Variants in EXPH5 observed in about 807,000 individuals in gnomAD.
EXPH5 encodes exophilin-5.
A neutral mutation model predicts 41.1 loss-of-function variants in EXPH5; 42 were observed. The observed-to-expected ratio is 1.02, with a 90% CI of 0.80 to 1.32. The LOEUF (loss-of-function observed/expected upper bound fraction) is 1.32, where lower values mean the gene tolerates loss of function less well. Ranked by LOEUF, EXPH5 falls within the 40% of genes most tolerant of loss-of-function variation. The probability of loss-of-function intolerance (pLI) is 0.00; values close to 1 mark genes in which losing one functional copy is unlikely to be tolerated. For synonymous variants in EXPH5, 798 were observed against 833.5 expected (o/e 0.96, Z 0.73); for missense variants, 2,298 against 2,314.5 (o/e 0.99, Z 0.15).
upstream of EXPH5, among the ~76,000 whole-genome samples, chr11:108,596,682 G>A (rs1480085895): frequency 1.3e-5 from 2 of 152,134 alleles, no homozygotes; most frequent in Non-Finnish European, 2.9e-5. Context: ...GAAGGATGAG[G>A]AGCAGAAGCT....
chr11:108,575,014 C>A (rs1156960339), intron 1 of EXPH5, among the ~76,000 whole-genome samples: 1 of 152,132 alleles, frequency 6.6e-6, no homozygotes, highest in Non-Finnish European at 1.5e-5. Context: ...AAAATGTACC[C>A]CCGATTTGTT....
intron 2 of EXPH5, among the ~76,000 whole-genome samples, chr11:108,540,387 C>A (rs2093906252): frequency 1.3e-5 from 2 of 151,912 alleles, no homozygotes; most frequent in African/African-American, 4.8e-5. Flanking sequence ...GACATGCTGA[C>A]TTTATAAATA....
chr11:108,525,532 C>T (rs2093793022), intron 4 of EXPH5, among the ~76,000 whole-genome samples: 1 of 152,212 alleles, frequency 6.6e-6, no homozygotes. Flanking sequence ...TCTATGTTTT[C>T]TGAAATTTCT....
At chr11:108,565,188 G>A (rs1220920025) in intron 1 of EXPH5, among the ~76,000 whole-genome samples, 1 of 152,140 alleles carries the variant, frequency 6.6e-6, no homozygotes, top group Admixed American at 6.6e-5. Context: ...TTACAAGCAT[G>A]AGCCACCATG....
chr11:108,536,153 C>T (rs1346882879), intron 3 of EXPH5, among the ~76,000 whole-genome samples: 2 of 151,946 alleles, frequency 1.3e-5, no homozygotes, highest in Non-Finnish European at 2.9e-5. Context: ...TTTCTTTTTT[C>T]CTGTGGTTGG....
At chr11:108,602,167 A>G in the EXPH5 span, among the ~76,000 whole-genome samples, 2 of 152,190 alleles carry the variant, frequency 1.3e-5, no homozygotes, top group African/African-American at 4.8e-5. Flanking sequence ...CCCTTGAAAC[A>G]CTACTGTATC....
At position 108,513,913 on chromosome 11, in the gene EXPH5, A is replaced by G. The variant is rs147167628; in HGVS notation, c.1594T>C (p.Ser532Pro). ...GHNVSSEHWE[S>P]FSSGYGTDVS... ...TCTGTTCCATAACCAGAAGAAAATG[A>G]TTCCCAGTGTTCAGAAGAAACATTA... The change falls in exon 6 of 6, where the codon TCA becomes CCA. Residue 532 changes from serine to proline, a missense_variant. Transcript: ENST00000265843. The G allele has an allele frequency of 1.1e-4, 179 of 1,610,096 alleles. No individual in the cohort carries two copies. The highest frequency in any genetic ancestry group is 1.5e-4 in the Non-Finnish European group (177 of 1,178,628).
chr11:108,511,982 T>C lies in EXPH5; in HGVS notation c.3525A>G (p.Leu1175=), dbSNP rs1226284604. 1 of 1,596,900 alleles carries C rather than the reference T, an allele frequency of 6.3e-7. No individual in the cohort carries two copies. Among genetic ancestry groups the C allele is most frequent in the Admixed American group, 1.8e-5 (1 of 55,710 alleles). Residue 1175 remains leucine (L), a synonymous_variant, in exon 6 of 6, where the codon TTA becomes TTG. Coordinates refer to ENST00000265843, the MANE Select transcript of EXPH5 (RefSeq NM_015065.3). ...TTTCCTTTTGGTGTTGTCTTTTGGT[T>C]AAAGAACAATCTCTAACAGATGAGT... ...ESDSSVRDCS[L]TKRQHQKENF...
rs1478783572 is a variant in EXPH5 at position 108,511,152 on chromosome 11, C to G, written c.4355G>C (p.Arg1452Thr). 8 of 1,613,440 alleles carry G rather than the reference C, an allele frequency of 5.0e-6. No homozygotes were observed. In the East Asian group the frequency reaches 1.3e-4, roughly 27 times the overall value. The change falls in exon 6 of 6, where the codon AGA (arginine) becomes ACA (threonine). Residue 1452 changes from arginine (R) to threonine (T), a missense_variant. Coordinates refer to ENST00000265843, the MANE Select transcript of EXPH5 (RefSeq NM_015065.3). The stretch of plus-strand genomic sequence containing the variant: ...GCCACTTCCAGTAAATGGAATGGCT[C>G]TACCACTCCCTGTACACTCCCAAGA... Reference protein sequence around the residue: ...RSSWECTGSGRAIPFTGSGKC... With the variant: ...RSSWECTGSGTAIPFTGSGKC...
chr11:108,528,122 A>G lies in EXPH5; in HGVS notation c.492+14T>C, dbSNP rs778419097. The G allele has an allele frequency of 7.6e-6, 12 of 1,569,642 alleles. No homozygotes were observed. The highest frequency in any genetic ancestry group is 9.6e-6 in the Non-Finnish European group (11 of 1,140,028). ...GAATTTCTTAGAGTAACCTGTAGTT[A>G]TCTGGTTACTTACCACAGCAGCTCC... On this transcript the variant is annotated intron_variant, in intron 4 of 5. Coordinates refer to ENST00000265843, the MANE Select transcript of EXPH5 (RefSeq NM_015065.3).
intron 3 of EXPH5, among the ~76,000 whole-genome samples, chr11:108,536,171 C>A (rs1164427934): frequency 6.6e-6 from 1 of 151,980 alleles, no homozygotes; most frequent in Admixed American, 6.6e-5. Context: ...TGGAATGGAG[C>A]CAATCATTTA....
rs1212075743 is a variant in EXPH5, at chr11:108,513,904, A to C, written c.1603T>G (p.Ser535Ala). ...CTGGAAACATCTGTTCCATAACCAG[A>C]AGAAAATGATTCCCAGTGTTCAGAA... The part of the protein sequence containing the change: ...VSSEHWESFS[S>A]GYGTDVSRGQ... Residue 535 changes from serine (S) to alanine (A), a missense_variant, in exon 6 of 6, where the codon TCT becomes GCT. Coordinates refer to ENST00000265843, the MANE Select transcript of EXPH5 (RefSeq NM_015065.3). The C allele has an allele frequency of 6.2e-7, 1 of 1,610,906 alleles. No homozygotes were observed.
At chr11:108,570,358 A>G (rs2094054654) in intron 1 of EXPH5, among the ~76,000 whole-genome samples, 1 of 152,058 alleles carries the variant, frequency 6.6e-6, no homozygotes, top group African/African-American at 2.4e-5. Flanking sequence ...GGGTTCAAGC[A>G]ATTCTCCTGC....
At chr11:108,517,035 A>G (rs1271782709) in intron 5 of EXPH5, among the ~76,000 whole-genome samples, 2 of 152,230 alleles carry the variant, frequency 1.3e-5, no homozygotes, top group African/African-American at 4.8e-5. Flanking sequence ...GGTTGACTAC[A>G]AGAGCAGAAT....
intron 3 of EXPH5, among the ~76,000 whole-genome samples, chr11:108,530,908 C>T (rs2093833529): frequency 6.6e-6 from 1 of 152,050 alleles, no homozygotes; most frequent in South Asian, 2.1e-4. Context: ...TTTTGGGGGC[C>T]CAGAGTCTCT....
At chr11:108,596,773 G>T (rs562421914), upstream of EXPH5, among the ~76,000 whole-genome samples, 1 of 152,254 alleles carries the variant, frequency 6.6e-6, no homozygotes, top group East Asian at 1.9e-4. Context: ...GCACAATGGG[G>T]CATACTATTG....
chr11:108,584,937 C>G (rs1034672863), intron 1 of EXPH5, among the ~76,000 whole-genome samples: 1 of 152,142 alleles, frequency 6.6e-6, no homozygotes, highest in East Asian at 1.9e-4. Context: ...TTTTACTCCA[C>G]AAAGACACAG....
intron 4 of EXPH5, among the ~76,000 whole-genome samples, chr11:108,521,644 C>G (rs1444670117): frequency 6.6e-6 from 1 of 152,154 alleles, no homozygotes; most frequent in Non-Finnish European, 1.5e-5. Flanking sequence ...ATTCTTTTTA[C>G]CCTACATCAA....
At chr11:108,575,653 A>G (rs1414390714) in intron 1 of EXPH5, among the ~76,000 whole-genome samples, 1 of 152,230 alleles carries the variant, frequency 6.6e-6, no homozygotes, top group Admixed American at 6.5e-5. Context: ...TAACAAAAAT[A>G]CCTAAGACCA....
Sources: gnomAD v4.1 joint callset for allele counts (sites outside exome capture counted in the v4.1 genomes callset) on GRCh38, gnomAD v4.1.1 for gene constraint, MANE v1.5 for transcripts, NCBI Gene and HGNC (gene_info 2026-07-23, HGNC 2026-07-21) for gene names.